MBD5: variants seen among roughly 807,000 people sequenced by gnomAD.
MBD5 encodes methyl-CpG-binding domain protein 5.
A neutral mutation model predicts 117.3 loss-of-function variants in MBD5; 13 were observed. The ratio of observed to expected loss-of-function variants is 0.11; its 90% CI spans 0.07 to 0.18. MBD5 has a LOEUF of 0.18. Ranked by LOEUF, MBD5 falls within the 10% of genes least tolerant of loss-of-function variation. The probability of loss-of-function intolerance (pLI) is 1.00; values close to 1 mark genes in which losing one functional copy is unlikely to be tolerated. For missense variants in MBD5, 1,879 were observed against 2,093.8 expected, an observed-to-expected ratio of 0.90 and a Z score of 2.00; for synonymous variants, 727 against 766.4, an observed-to-expected ratio of 0.95 and a Z score of 0.85.
chr2:148,089,348 T>C (rs941853774), intron 1 of MBD5, among the ~76,000 whole-genome samples: 3 of 151,908 alleles, frequency 2.0e-5, no homozygotes, highest in Non-Finnish European at 4.4e-5. Flanking sequence ...AAAATGGACT[T>C]AACAGATATT....
chr2:148,470,627 T>G, intron 8 of MBD5, 166 bp downstream of exon 8: 1 of 610,578 alleles, frequency 1.6e-6, no homozygotes. Context: ...GCTAGGGATT[T>G]GTCTATTGGG....
intron 1 of MBD5, among the ~76,000 whole-genome samples, chr2:148,036,113 G>T (rs1694188266): frequency 6.6e-6 from 1 of 152,072 alleles, no homozygotes; most frequent in Non-Finnish European, 1.5e-5. Flanking sequence ...ACATTTGCCA[G>T]ATTCTTTACA....
At chr2:148,490,659 T>C in intron 11 of MBD5, 65 bp downstream of exon 11, 1 of 1,584,232 alleles carries the variant, frequency 6.3e-7, no homozygotes, top group East Asian at 2.2e-5. Flanking sequence ...TTGCTTTTTG[T>C]TATCATCACT....
At chr2:148,311,993 T>C (rs1702043602) in intron 3 of MBD5, among the ~76,000 whole-genome samples, 1 of 152,234 alleles carries the variant, frequency 6.6e-6, no homozygotes, top group South Asian at 2.1e-4. Context: ...CTCCTCTGGC[T>C]TGCAGGATTT....
intron 11 of MBD5, among the ~76,000 whole-genome samples, chr2:148,496,865 A>T (rs1681718180): frequency 6.6e-6 from 1 of 152,232 alleles, no homozygotes; most frequent in African/African-American, 2.4e-5. Context: ...TAAAGGAATG[A>T]TTAGTACTCT....
intron 2 of MBD5, among the ~76,000 whole-genome samples, chr2:148,217,726 A>T (rs909038889): frequency 6.6e-6 from 1 of 152,158 alleles, no homozygotes; most frequent in Admixed American, 6.5e-5. Flanking sequence ...ATGCCATCCC[A>T]TCATCTTTCA....
intron 1 of MBD5, among the ~76,000 whole-genome samples, chr2:148,177,491 GT>G: frequency 6.6e-6 from 1 of 152,266 alleles, no homozygotes; most frequent in Admixed American, 6.5e-5. Context: ...ATTGAGGTAT[GT>G]TTGTGTGTAT....
At chr2:148,439,669 A>G (rs1706259569) in intron 4 of MBD5, among the ~76,000 whole-genome samples, 1 of 152,132 alleles carries the variant, frequency 6.6e-6, no homozygotes, top group African/African-American at 2.4e-5. Flanking sequence ...AGCCAAACAA[A>G]ATACAGAAAT....
At chr2:148,152,126 T>A (rs1453025436) in intron 1 of MBD5, among the ~76,000 whole-genome samples, 1 of 152,108 alleles carries the variant, frequency 6.6e-6, no homozygotes, top group African/African-American at 2.4e-5. Flanking sequence ...ATCCCAGAGA[T>A]TCTGGTATGT....
At chr2:148,355,585 G>T (rs924128230) in intron 4 of MBD5, among the ~76,000 whole-genome samples, 1 of 152,078 alleles carries the variant, frequency 6.6e-6, no homozygotes, top group Non-Finnish European at 1.5e-5. Flanking sequence ...AGATCTGATG[G>T]TTGTAGATGT....
intron 3 of MBD5, among the ~76,000 whole-genome samples, chr2:148,274,973 C>T (rs890965078): frequency 6.6e-6 from 1 of 152,098 alleles, no homozygotes; most frequent in African/African-American, 2.4e-5. Flanking sequence ...TCAAGTGATC[C>T]ACCCACCTTG....
At chr2:148,072,060 T>G (rs1349949332) in intron 1 of MBD5, 1 of 152,194 alleles carries the variant, frequency 6.6e-6, no homozygotes, top group Non-Finnish European at 1.5e-5. Flanking sequence ...GTATCTGTAC[T>G]TCTTGTTTTA....
chr2:148,428,845 C>G (rs1432766261), intron 4 of MBD5, among the ~76,000 whole-genome samples: 1 of 152,144 alleles, frequency 6.6e-6, no homozygotes, highest in African/African-American at 2.4e-5. Context: ...AAAATGAACT[C>G]AAGATGGATT....
chr2:148,379,895 G>T (rs766928594), intron 4 of MBD5, among the ~76,000 whole-genome samples: 1 of 152,092 alleles, frequency 6.6e-6, no homozygotes, highest in Non-Finnish European at 1.5e-5. Context: ...AATTTTGTAA[G>T]TCTATTTTTA....
chr2:148,373,641 A>T (rs1166859425), intron 4 of MBD5, among the ~76,000 whole-genome samples: 1 of 110,996 alleles, frequency 9.0e-6, no homozygotes, highest in African/African-American at 3.1e-5. Flanking sequence ...ATATAAATTT[A>T]AAAATAACAA....
intron 2 of MBD5, among the ~76,000 whole-genome samples, chr2:148,228,040 A>T (rs1699881781): frequency 6.6e-6 from 1 of 152,222 alleles, no homozygotes; most frequent in Admixed American, 6.5e-5. Flanking sequence ...TAGATATACA[A>T]TCATGTCCTC....
chr2:148,068,009 A>C (rs1158380924), intron 1 of MBD5, among the ~76,000 whole-genome samples: 37 of 152,228 alleles, frequency 2.4e-4, no homozygotes, highest in Admixed American at 2.4e-3. Context: ...AACACCTGGC[A>C]GGAAGCCATA....
intron 3 of MBD5, among the ~76,000 whole-genome samples, chr2:148,317,049 A>G (rs973769656): frequency 6.6e-6 from 1 of 152,176 alleles, no homozygotes; most frequent in African/African-American, 2.4e-5. Flanking sequence ...AAGGAGATTA[A>G]TATTATCCCA....
At position 148,344,377 on chromosome 2, in the gene MBD5, A is replaced by G. The variant is rs1034754232; in HGVS notation, c.-557+2041A>G. Among the ~76,000 whole-genome samples the G allele has an allele frequency of 4.6e-5, 7 of 152,058 alleles. No homozygotes were observed. In the East Asian group the frequency reaches 1.4e-3, roughly 29 times the overall value. On this transcript the variant is annotated intron_variant, in intron 4 of 13. Transcript: ENST00000642680. ...AAATGACATTGGTAGTTTGATAGCA[A>G]TAGCGTTTAATCTGTAGATTGCTTT...
Sources: allele counts gnomAD v4.1 joint callset (sites outside exome capture counted in the v4.1 genomes callset), GRCh38; gene constraint gnomAD v4.1.1; transcripts MANE v1.5; gene names NCBI Gene and HGNC (gene_info 2026-07-23, HGNC 2026-07-21).